The following TBC1D5 variants were observed in gnomAD, a reference collection of about 807,000 sequenced individuals.
TBC1D5 encodes TBC1 domain family, member 5.
In TBC1D5, 75 loss-of-function variants were observed where a neutral mutation model predicts 100.3. That is an observed-to-expected ratio of 0.75 (90% confidence interval 0.62 to 0.91). The LOEUF (loss-of-function observed/expected upper bound fraction) is 0.91. TBC1D5 is among the 40% of genes least tolerant of loss of function. The pLI is 0.00. For synonymous variants in TBC1D5, 323 were observed against 325.6 expected, an observed-to-expected ratio of 0.99 and a Z score of 0.09; for missense variants, 910 against 942.4, an observed-to-expected ratio of 0.97 and a Z score of 0.45.
chr3:17,267,811 G>T (rs1201829491), intron 15 of TBC1D5, among the ~76,000 whole-genome samples: 1 of 152,086 alleles, frequency 6.6e-6, no homozygotes, highest in Non-Finnish European at 1.5e-5. Flanking sequence ...GTAGAAGGAA[G>T]CTTTGCACAG....
chr3:17,666,060 G>A (rs2067224563), intron 1 of TBC1D5, among the ~76,000 whole-genome samples: 1 of 152,068 alleles, frequency 6.6e-6, no homozygotes, highest in African/African-American at 2.4e-5. Context: ...TCTATACATT[G>A]CCATGTTTTT....
At chr3:17,185,305 GATAC>G in intron 18 of TBC1D5, 97 bp from the exon 20 acceptor site, 1 of 921,762 alleles carries the variant, frequency 1.1e-6, no homozygotes, top group Non-Finnish European at 1.6e-6. Flanking sequence ...AAAGAAGCAT[GATAC>G]CTTTTTAAAC....
intron 3 of TBC1D5, among the ~76,000 whole-genome samples, chr3:17,506,556 T>C (rs1303396506): frequency 2.6e-5 from 4 of 152,178 alleles, no homozygotes; most frequent in African/African-American, 7.2e-5. Flanking sequence ...CTTCCTTGTC[T>C]CATAGAACAT....
At chr3:17,318,958 G>A (rs1439526152) in intron 13 of TBC1D5, among the ~76,000 whole-genome samples, 1 of 152,128 alleles carries the variant, frequency 6.6e-6, no homozygotes, top group Non-Finnish European at 1.5e-5. Flanking sequence ...GATTTACAGG[G>A]CTTCTTTTCA....
intron 1 of TBC1D5, among the ~76,000 whole-genome samples, chr3:17,658,181 C>A (rs2153734887): frequency 6.6e-6 from 1 of 152,300 alleles, no homozygotes; most frequent in Non-Finnish European, 1.5e-5. Flanking sequence ...AAGATGAAAT[C>A]ACCTAACAAC....
At chr3:17,495,546 T>C (rs914855555) in intron 3 of TBC1D5, among the ~76,000 whole-genome samples, 8 of 152,358 alleles carry the variant, frequency 5.3e-5, no homozygotes, top group East Asian at 1.9e-4. Context: ...TGACAGCACA[T>C]CACCTTCTGC....
chr3:17,454,393 A>T (rs145611909), intron 3 of TBC1D5, among the ~76,000 whole-genome samples: 4 of 152,222 alleles, frequency 2.6e-5, no homozygotes, highest in Admixed American at 6.5e-5. Context: ...ACAAAAAAAA[A>T]CTAGTAGAAC....
intron 2 of TBC1D5, among the ~76,000 whole-genome samples, chr3:17,610,847 T>C (rs181263086): frequency 6.6e-5 from 10 of 152,230 alleles, no homozygotes; most frequent in Admixed American, 5.9e-4. Context: ...TGAAACCCCA[T>C]GTCTACTAAA....
At chr3:17,510,255 C>A (rs539401349) in intron 2 of TBC1D5, among the ~76,000 whole-genome samples, 2 of 151,960 alleles carry the variant, frequency 1.3e-5, no homozygotes, top group Non-Finnish European at 2.9e-5. Flanking sequence ...GCTCCTCTAT[C>A]CTATTTACTT....
intron 8 of TBC1D5, among the ~76,000 whole-genome samples, chr3:17,392,947 T>G (rs2093396458): frequency 1.3e-5 from 2 of 152,158 alleles, no homozygotes; most frequent in Non-Finnish European, 2.9e-5. Flanking sequence ...CACACTGTCT[T>G]CCACAGTGGT....
rs145044649 is a variant in TBC1D5 at position 17,175,975 on chromosome 3, C to T, written c.1853-8147G>A. ...GAGCTACCTGTAGTAAGCCTGTTTC[C>T]ACAGACGATGAGGTAGATGGGTTTT... On this transcript the variant is annotated intron_variant, in intron 19 of 21. Coordinates refer to ENST00000253692, the Ensembl canonical transcript of TBC1D5. 7.0e-3 allele frequency among the ~76,000 whole-genome samples: 1,066 copies of T among 152,298 alleles called. 10 individuals are homozygous for T. Among genetic ancestry groups the T allele is most frequent in the South Asian group, 0.016 (78 of 4,826 alleles).
intron 2 of TBC1D5, among the ~76,000 whole-genome samples, chr3:17,616,739 TG>T (rs1161194911): frequency 6.6e-6 from 1 of 152,194 alleles, no homozygotes; most frequent in Non-Finnish European, 1.5e-5. Flanking sequence ...TCCATTTGCT[TG>T]GTAGGTCTGC....
chr3:17,347,301 C>T (rs1251203031), intron 13 of TBC1D5, among the ~76,000 whole-genome samples: 1 of 152,156 alleles, frequency 6.6e-6, no homozygotes, highest in Non-Finnish European at 1.5e-5. Context: ...CCTGAAACCA[C>T]TTGTTTAATG....
At chr3:17,448,935 A>C (rs2094861336) in intron 3 of TBC1D5, among the ~76,000 whole-genome samples, 1 of 152,240 alleles carries the variant, frequency 6.6e-6, no homozygotes, top group East Asian at 1.9e-4. Context: ...TTAGCTATAA[A>C]AGTCCTTATT....
intron 1 of TBC1D5, among the ~76,000 whole-genome samples, chr3:17,733,616 G>A (rs2076738523): frequency 6.6e-6 from 1 of 152,098 alleles, no homozygotes; most frequent in African/African-American, 2.4e-5. Flanking sequence ...GAGATCATTT[G>A]GTAGAGTGAT....
chr3:17,487,042 C>G (rs143135991), intron 3 of TBC1D5, among the ~76,000 whole-genome samples: 1 of 152,292 alleles, frequency 6.6e-6, no homozygotes, highest in South Asian at 2.1e-4. Context: ...AATTCTACAA[C>G]GGTGGTCAAC....
At chr3:17,177,902 T>C (rs1376523723) in intron 19 of TBC1D5, among the ~76,000 whole-genome samples, 1 of 152,212 alleles carries the variant, frequency 6.6e-6, no homozygotes, top group African/African-American at 2.4e-5. Flanking sequence ...ATCATTCTAC[T>C]CTTTATCTCC....
upstream of TBC1D5, among the ~76,000 whole-genome samples, chr3:17,741,548 G>A (rs557950412): frequency 4.8e-4 from 73 of 152,310 alleles, no homozygotes; most frequent in South Asian, 6.0e-3. Flanking sequence ...CCAAACGTGT[G>A]AAACCTGCAT....
chr3:17,497,129 C>G (rs1560022984), intron 3 of TBC1D5, among the ~76,000 whole-genome samples: 1 of 143,820 alleles, frequency 7.0e-6, no homozygotes, highest in African/African-American at 2.8e-5. Context: ...CACACACACA[C>G]ACACACACCA....
Sources: allele counts gnomAD v4.1 joint callset (sites outside exome capture counted in the v4.1 genomes callset), GRCh38; gene constraint gnomAD v4.1.1; transcripts MANE v1.5; gene names NCBI Gene and HGNC (gene_info 2026-07-23, HGNC 2026-07-21).